NOX4: variants seen among roughly 807,000 people sequenced by gnomAD.
The protein encoded by NOX4 is NADPH oxidase 4.
Under a neutral mutation model 87.6 loss-of-function variants are expected in NOX4, and 69 were observed. The observed-to-expected ratio is 0.79, with a 90% CI of 0.65 to 0.96. NOX4 has a LOEUF of 0.96. NOX4 is among the 40% of genes least tolerant of loss of function. The pLI, the probability that NOX4 is intolerant of heterozygous loss-of-function variation, is 0.00. For synonymous variants in NOX4, 275 were observed against 238.2 expected (o/e 1.15, Z -1.42); for missense variants, 680 against 681.5 (o/e 1.00, Z 0.02).
the NOX4 span, among the ~76,000 whole-genome samples, chr11:89,511,173 T>C: frequency 2.6e-5 from 4 of 152,062 alleles, no homozygotes; most frequent in African/African-American, 4.8e-5. Flanking sequence ...TTTTGATCTA[T>C]GCATACATCA....
At chr11:89,489,321 A>G (rs1946753631) in intron 2 of NOX4, among the ~76,000 whole-genome samples, 1 of 152,182 alleles carries the variant, frequency 6.6e-6, no homozygotes. Flanking sequence ...AAAAAAAATA[A>G]AAAAGCAAAA....
intron 5 of NOX4, among the ~76,000 whole-genome samples, chr11:89,442,219 G>A (rs319030): frequency 0.57 from 86,584 of 151,264 alleles, 27,115 homozygotes; most frequent in African/African-American, 0.83. Context: ...AACTTAAAAC[G>A]TTGAGTTGCC....
chr11:89,488,811 C>T (rs1360348058), intron 2 of NOX4: 4 of 518,042 alleles, frequency 7.7e-6, no homozygotes, highest in East Asian at 6.0e-5. Context: ...TGGGGAAATA[C>T]TAGAAAACAA....
At chr11:89,562,681 G>GA in the NOX4 span, among the ~76,000 whole-genome samples, 1 of 152,150 alleles carries the variant, frequency 6.6e-6, no homozygotes, top group Non-Finnish European at 1.5e-5. Context: ...ATTCTTTTCT[G>GA]AAACTGTTCC....
intron 13 of NOX4, 65 bp downstream of exon 13, chr11:89,354,897 G>T: frequency 2.0e-6 from 2 of 1,001,546 alleles, no homozygotes; most frequent in Non-Finnish European, 3.0e-6. Flanking sequence ...GTTTTTGCCT[G>T]CCCAAATCTC....
Position 89,349,477 on chromosome 11 carries a change from A to C in NOX4, c.1217+5485T>G, listed in dbSNP as rs563481534. On this transcript the variant is annotated intron_variant, in intron 13 of 17. Coordinates refer to ENST00000263317, the MANE Select transcript of NOX4 (RefSeq NM_016931.5). ...CTGGAGAACAGACTATGGAAAGGTC[A>C]TCTGAGGCTTTGCAGTTTAAGGGTA... Among the ~76,000 whole-genome samples the C allele has an allele frequency of 9.8e-5, 15 of 152,300 alleles. 1 individual carries two copies. The South Asian group carries it at 3.1e-3, about 32-fold the overall frequency.
intron 1 of NOX4, 154 bp downstream of exon 1, chr11:89,491,036 A>G (rs1258351140): frequency 7.3e-6 from 6 of 824,686 alleles, no homozygotes; most frequent in Non-Finnish European, 1.0e-5. Flanking sequence ...GGGAGTGTTC[A>G]TTGTTATCTC....
At chr11:89,537,809 C>T in the NOX4 span, among the ~76,000 whole-genome samples, 2 of 152,234 alleles carry the variant, frequency 1.3e-5, no homozygotes, top group South Asian at 2.1e-4. Context: ...AGATTTTTAA[C>T]ACTAATTCCA....
At chr11:89,380,260 C>T (rs1335120278) in intron 11 of NOX4, among the ~76,000 whole-genome samples, 1 of 151,974 alleles carries the variant, frequency 6.6e-6, no homozygotes, top group African/African-American at 2.4e-5. Flanking sequence ...GTAAAAATAG[C>T]CAGAAAATGT....
At chr11:89,404,588 C>T (rs1328673285) in intron 8 of NOX4, among the ~76,000 whole-genome samples, 1 of 152,128 alleles carries the variant, frequency 6.6e-6, no homozygotes. Context: ...ACTGCATGAA[C>T]TAGGATCATT....
At chr11:89,426,512 T>G (rs1273406381) in intron 7 of NOX4, among the ~76,000 whole-genome samples, 2 of 152,026 alleles carry the variant, frequency 1.3e-5, no homozygotes, top group Non-Finnish European at 2.9e-5. Context: ...GAAAATTGGG[T>G]CACTCCTACC....
chr11:89,375,265 G>C (rs1025674203), intron 11 of NOX4, among the ~76,000 whole-genome samples: 1 of 152,030 alleles, frequency 6.6e-6, no homozygotes, highest in South Asian at 2.1e-4. Flanking sequence ...TTATTTATAA[G>C]TGTGATTCTG....
the NOX4 span, among the ~76,000 whole-genome samples, chr11:89,584,719 G>A: frequency 1.3e-5 from 2 of 152,090 alleles, no homozygotes; most frequent in African/African-American, 4.8e-5. Flanking sequence ...TTCAAGAATT[G>A]AGCATTGAAA....
At chr11:89,460,616 T>G (rs1318130396) in intron 2 of NOX4, among the ~76,000 whole-genome samples, 1 of 152,140 alleles carries the variant, frequency 6.6e-6, no homozygotes, top group Non-Finnish European at 1.5e-5. Context: ...AGATACCATC[T>G]CACACCAGTT....
At chr11:89,534,385 A>G in the NOX4 span, among the ~76,000 whole-genome samples, 6 of 152,128 alleles carry the variant, frequency 3.9e-5, no homozygotes, top group Non-Finnish European at 8.8e-5. Flanking sequence ...TTTTCTCTCT[A>G]CCTGGTTGGC....
chr11:89,472,582 G>C (rs943939677), intron 2 of NOX4, among the ~76,000 whole-genome samples: 1 of 151,886 alleles, frequency 6.6e-6, no homozygotes, highest in Non-Finnish European at 1.5e-5. Context: ...TCCATTTTCA[G>C]TGGGAATGTG....
chr11:89,558,835 A>C, the NOX4 span, among the ~76,000 whole-genome samples: 1 of 152,126 alleles, frequency 6.6e-6, no homozygotes, highest in Non-Finnish European at 1.5e-5. Flanking sequence ...CGCCATACAC[A>C]TCTCTCTTTA....
At chr11:89,366,477 A>C (rs1938998332) in intron 12 of NOX4, among the ~76,000 whole-genome samples, 1 of 152,016 alleles carries the variant, frequency 6.6e-6, no homozygotes, top group Non-Finnish European at 1.5e-5. Context: ...CAGGAGTTTG[A>C]TTAGCCTGAG....
chr11:89,517,614 T>C, the NOX4 span, among the ~76,000 whole-genome samples: 25 of 150,284 alleles, frequency 1.7e-4, no homozygotes, highest in Admixed American at 1.7e-3. Flanking sequence ...GCTAGGTATA[T>C]GACACCACAA....
Sources: allele counts gnomAD v4.1 joint callset (sites outside exome capture counted in the v4.1 genomes callset), GRCh38; gene constraint gnomAD v4.1.1; transcripts MANE v1.5; gene names NCBI Gene and HGNC (gene_info 2026-07-23, HGNC 2026-07-21).